Variants in XKR7 observed in about 807,000 individuals in gnomAD.
XKR7 encodes the protein XK related 7.
Under a neutral mutation model 42.2 loss-of-function variants are expected in XKR7, and 11 were observed. The ratio of observed to expected loss-of-function variants is 0.26; its 90% CI spans 0.16 to 0.43. XKR7 has a LOEUF of 0.43. Ranked by LOEUF, XKR7 falls within the 20% of genes least tolerant of loss-of-function variation. The pLI is 1.00. For missense variants in XKR7, 710 were observed against 802.2 expected, an observed-to-expected ratio of 0.89 and a Z score of 1.39; for synonymous variants, 346 against 366.4, an observed-to-expected ratio of 0.94 and a Z score of 0.64.
chr20:31,980,175 G>C (rs2064505562), intron 1 of XKR7, among the ~76,000 whole-genome samples: 1 of 151,934 alleles, frequency 6.6e-6, no homozygotes, highest in Non-Finnish European at 1.5e-5. Flanking sequence ...TCTGTAGGGG[G>C]CTGCTAAGGA....
chr20:31,999,823 T>C lies in XKR7; in HGVS notation c.*2366T>C, dbSNP rs1212069764. The C allele has an allele frequency of 6.6e-6, 1 of 152,150 alleles. No homozygotes were observed. The highest frequency in any genetic ancestry group is 2.4e-5 in the African/African-American group (1 of 41,402). The allele number at this position is 152,150 out of a possible 1,614,324, so 9.4% of individuals were successfully genotyped here. On this transcript the variant is annotated 3_prime_UTR_variant, in exon 3 of 3. Coordinates refer to ENST00000562532, the MANE Select transcript of XKR7 (RefSeq NM_001011718.2). ...ATGAGGGTCACCCTTGGCAAGTTAT[T>C]CTCCTCCCCAGTATCCCAGAATGGC...
At chr20:31,988,208 C>G (rs373496662) in intron 1 of XKR7, among the ~76,000 whole-genome samples, 2 of 152,294 alleles carry the variant, frequency 1.3e-5, no homozygotes, top group South Asian at 2.1e-4. Flanking sequence ...GTGATGCAGA[C>G]GTTGCCAGAA....
chr20:31,997,159 G>A lies in XKR7; in HGVS notation c.1442G>A (p.Gly481Asp), dbSNP rs767775210. Residue 481 changes from glycine to aspartate, a missense_variant, in exon 3 of 3, where the codon GGT becomes GAT. Physicochemically the swap from Gly to Asp is moderately conservative, Grantham distance 94. This residue lies in a region of XKR7 where 708 missense variants were observed against 786.2 expected (regional missense o/e 0.90). Coordinates refer to ENST00000562532, the MANE Select transcript of XKR7 (RefSeq NM_001011718.2). ...SPPRSLPRTTGAERDGASAGE... is the reference protein window; with the variant it reads ...SPPRSLPRTTDAERDGASAGE... ...CCCAGGTCCCTGCCAAGGACTACAG[G>A]TGCTGAGCGGGATGGGGCCTCGGCG... 6.2e-7 allele frequency: 1 copy of A among 1,611,156 alleles called. No individual in the cohort carries two copies. The highest frequency in any genetic ancestry group is 1.7e-5 in the Admixed American group (1 of 60,002).
chr20:31,993,061 C>A (rs1215253779), intron 1 of XKR7, among the ~76,000 whole-genome samples: 1 of 151,634 alleles, frequency 6.6e-6, no homozygotes, highest in African/African-American at 2.4e-5. Context: ...GCAGCGGGGT[C>A]AGAGAATCTG....
At chr20:31,978,224 G>A (rs894882921) in intron 1 of XKR7, among the ~76,000 whole-genome samples, 1 of 152,058 alleles carries the variant, frequency 6.6e-6, no homozygotes, top group Non-Finnish European at 1.5e-5. Context: ...TCCTGCCTCA[G>A]CCTCCTGAGT....
rs2064615398 is a variant in XKR7, at chr20:31,999,735, C to T, written c.*2278C>T. The T allele has an allele frequency of 6.6e-6, 1 of 152,052 alleles. No homozygotes were observed. Among genetic ancestry groups the T allele is most frequent in the African/African-American group, 2.4e-5 (1 of 41,408 alleles). 9.4% of individuals were successfully genotyped at this position (152,052 alleles called of 1,614,324 possible). On this transcript the variant is annotated 3_prime_UTR_variant, in exon 3 of 3. Coordinates refer to ENST00000562532, the MANE Select transcript of XKR7 (RefSeq NM_001011718.2). ...TACACTCTCCTCTGGTCACGACGTCCCTGCAAGAGAGGTATTATCAACCCA... is the reference window on the plus strand; with the variant it reads ...TACACTCTCCTCTGGTCACGACGTCTCTGCAAGAGAGGTATTATCAACCCA...
At chr20:31,974,137 G>T (rs2064475898) in intron 1 of XKR7, among the ~76,000 whole-genome samples, 1 of 152,118 alleles carries the variant, frequency 6.6e-6, no homozygotes, top group Non-Finnish European at 1.5e-5. Context: ...AGGTTGCAGT[G>T]AGCCGAGAGT....
At chr20:31,993,741 C>T (rs1053837298) in intron 1 of XKR7, among the ~76,000 whole-genome samples, 5 of 152,204 alleles carry the variant, frequency 3.3e-5, no homozygotes, top group Admixed American at 6.5e-5. Context: ...CATAACCAGG[C>T]AGTTACAACC....
intron 1 of XKR7, among the ~76,000 whole-genome samples, chr20:31,983,931 G>C (rs2064525226): frequency 6.9e-6 from 1 of 145,124 alleles, no homozygotes; most frequent in Non-Finnish European, 1.5e-5. Context: ...CTGGGTGACA[G>C]AGCAAGACTC....
chr20:31,971,629 G>A (rs1365559278), intron 1 of XKR7, among the ~76,000 whole-genome samples: 2 of 152,194 alleles, frequency 1.3e-5, no homozygotes, highest in African/African-American at 4.8e-5. Flanking sequence ...ATGTGTGATT[G>A]AGTCCTCCAG....
rs1419211726 is a variant in XKR7 at position 31,996,801 on chromosome 20, A to G, written c.1084A>G (p.Met362Val). ...MSKWEEIIYN[M>V]VVGIIYIFCW... ...CAAGTGGGAGGAGATCATCTACAAC[A>G]TGGTCGTGGGCATCATCTACATCTT... Residue 362 changes from methionine (M) to valine (V), a missense_variant, in exon 3 of 3, where the codon ATG becomes GTG. Coordinates refer to ENST00000562532, the MANE Select transcript of XKR7 (RefSeq NM_001011718.2). The G allele has an allele frequency of 1.2e-6, 2 of 1,613,814 alleles. No homozygotes were observed. Among genetic ancestry groups the G allele is most frequent in the African/African-American group, 2.7e-5 (2 of 74,892 alleles).
intron 1 of XKR7, among the ~76,000 whole-genome samples, chr20:31,975,178 G>A (rs999827230): frequency 6.6e-6 from 1 of 151,954 alleles, no homozygotes; most frequent in Non-Finnish European, 1.5e-5. Context: ...CCTTTGTTAG[G>A]GCATCCAAAT....
In XKR7 at chr20:31,968,267, G is replaced by A. The variant is rs771414897; in HGVS notation, c.92G>A (p.Gly31Glu). The stretch of plus-strand genomic sequence containing the variant: ...GCCCGGGGCAGTGCCGGCGGGCGCG[G>A]GGAGGCGGCGGCGGCGGCCGGGCCC... ...GGARGSAGGRGEAAAAAGPPG... is the reference protein window; with the variant it reads ...GGARGSAGGREEAAAAAGPPG... The change falls in exon 1 of 3, where the codon GGG (glycine) becomes GAG (glutamate). Residue 31 changes from glycine to glutamate, a missense_variant. This residue lies in a region of XKR7 where 708 missense variants were observed against 786.2 expected (regional missense o/e 0.90). Transcript: ENST00000562532. This position sits in a 1 kb window ranked among gnomAD's most constrained non-coding sequence, Gnocchi z 4.5. The A allele has an allele frequency of 1.9e-3, 2,212 of 1,155,626 alleles. 4 individuals are homozygous for A. Among genetic ancestry groups the A allele is most frequent in the Non-Finnish European group, 1.9e-3 (1,753 of 939,956 alleles). The allele number at this position is 1,155,626 out of a possible 1,614,324, so 71.6% of individuals were successfully genotyped here. A position where few individuals can be genotyped will look rare whatever the true frequency, so the allele number is the denominator to read the frequency against.
At chr20:31,986,042 A>G (rs2064538013) in intron 1 of XKR7, among the ~76,000 whole-genome samples, 1 of 147,606 alleles carries the variant, frequency 6.8e-6, no homozygotes, top group African/African-American at 2.5e-5. Flanking sequence ...ACTACCAAGC[A>G]GACCCAGCAT....
intron 1 of XKR7, among the ~76,000 whole-genome samples, chr20:31,980,777 C>T (rs1172457066): frequency 6.6e-6 from 1 of 152,056 alleles, no homozygotes; most frequent in African/African-American, 2.4e-5. Context: ...AAGATAAAGA[C>T]CAGGCCGGGC....
At chr20:31,983,442 G>C (rs1021219598) in intron 1 of XKR7, among the ~76,000 whole-genome samples, 2 of 152,180 alleles carry the variant, frequency 1.3e-5, no homozygotes, top group Non-Finnish European at 2.9e-5. Context: ...CTCTGAAGAG[G>C]TGACATTGAG....
chr20:31,976,384 A>AT (rs766640181), intron 1 of XKR7, among the ~76,000 whole-genome samples: 8 of 151,654 alleles, frequency 5.3e-5, no homozygotes, highest in East Asian at 1.9e-4. Context: ...AAGTATTTTT[A>AT]TTTTTTTTTA....
chr20:31,970,783 C>T (rs2064461825), intron 1 of XKR7: 1 of 152,214 alleles, frequency 6.6e-6, no homozygotes, highest in African/African-American at 2.4e-5. Context: ...CCCTAATTTA[C>T]AGTTCTATAA....
rs116251866 is a variant in XKR7 at position 31,995,202 on chromosome 20, G to A, written c.719G>A (p.Ser240Asn). 3.1e-4 allele frequency: 475 copies of A among 1,546,340 alleles called. 1 individual carries two copies. The African/African-American group carries it at 6.1e-3, about 20-fold the overall frequency. The change falls in exon 2 of 3, where the codon AGC becomes AAC. Residue 240 changes from serine (S) to asparagine (N), a missense_variant. Coordinates refer to ENST00000562532, the MANE Select transcript of XKR7 (RefSeq NM_001011718.2). This position sits in a 1 kb window ranked among gnomAD's most constrained non-coding sequence, Gnocchi z 4.1. ...MLRLLETFLR[S>N]APQLVLQLSL... ...CGCTTGCTGGAGACCTTCCTGCGCA[G>A]CGCGCCGCAGCTAGTGCTGCAGCTC...
Sources: gnomAD v4.1 joint callset for allele counts (sites outside exome capture counted in the v4.1 genomes callset) on GRCh38, gnomAD v4.1.1 for gene constraint, gnomAD v4.1.1 regional missense constraint, Gnocchi (gnomAD v3.1) non-coding constraint, MANE v1.5 for transcripts, NCBI Gene and HGNC (gene_info 2026-07-23, HGNC 2026-07-21) for gene names.